ABCC12: variants seen among roughly 807,000 people sequenced by gnomAD.
ABCC12 encodes ATP binding cassette subfamily C member 12.
A neutral mutation model predicts 151.1 loss-of-function variants in ABCC12; 142 were observed. The observed-to-expected ratio is 0.94, with a 90% CI of 0.82 to 1.08. The LOEUF is 1.08. Among genes scored for constraint, ABCC12 ranks in the 50% least tolerant of loss-of-function variants. The pLI, the probability that ABCC12 is intolerant of heterozygous loss-of-function variation, is 0.00. For missense variants in ABCC12, 1,638 were observed against 1,691.1 expected (o/e 0.97, Z 0.55); for synonymous variants, 645 against 646.4 (o/e 1.00, Z 0.03).
chr16:48,150,302 C>T (rs894393161), intron 2 of ABCC12, among the ~76,000 whole-genome samples: 5 of 152,156 alleles, frequency 3.3e-5, no homozygotes, highest in African/African-American at 4.8e-5. Context: ...TGTGGCCCCT[C>T]TACAGGAATA....
At chr16:48,112,820 A>C (rs1963744746) in intron 15 of ABCC12, among the ~76,000 whole-genome samples, 1 of 152,150 alleles carries the variant, frequency 6.6e-6, no homozygotes, top group African/African-American at 2.4e-5. Context: ...TGAGGAATTT[A>C]TGCCAGCTTT....
In ABCC12 at chr16:48,143,971, G is replaced by C. The variant is rs766562841; in HGVS notation, c.214C>G (p.Leu72Val). The C allele has an allele frequency of 6.2e-7, 1 of 1,614,166 alleles. No individual in the cohort carries two copies. Among genetic ancestry groups the C allele is most frequent in the Admixed American group, 1.7e-5 (1 of 60,030 alleles). The stretch of plus-strand genomic sequence containing the variant: ...AATGGGGGCAGGGTGTCTACGGTCA[G>C]CCTTTGCCGGTAGCCTTTCACCATC... Reference protein sequence around the residue: ...PVMVKGYRQRLTVDTLPPLST... With the variant: ...PVMVKGYRQRVTVDTLPPLST... Residue 72 changes from leucine (L) to valine (V), a missense_variant, in exon 4 of 31, where the codon CTG (leucine) becomes GTG (valine). Coordinates refer to ENST00000311303, the MANE Select transcript of ABCC12 (RefSeq NM_001393797.1).
intron 8 of ABCC12, among the ~76,000 whole-genome samples, chr16:48,137,134 A>G (rs1485549358): frequency 1.3e-5 from 2 of 151,744 alleles, no homozygotes; most frequent in African/African-American, 2.4e-5. Flanking sequence ...GATGTCTTGC[A>G]TAGTCCAGGA....
At chr16:48,134,184 G>T (rs1352271803) in intron 8 of ABCC12, among the ~76,000 whole-genome samples, 1 of 152,230 alleles carries the variant, frequency 6.6e-6, no homozygotes. Flanking sequence ...CTGCAGCGCA[G>T]CAGAATGGAG....
chr16:48,130,416 C>A (rs1296061530), intron 10 of ABCC12, among the ~76,000 whole-genome samples: 1 of 152,192 alleles, frequency 6.6e-6, no homozygotes, highest in South Asian at 2.1e-4. Flanking sequence ...GGGACCCCAA[C>A]ATCCTCTTCA....
chr16:48,099,467 G>A (rs537712649), intron 23 of ABCC12, among the ~76,000 whole-genome samples: 1 of 152,274 alleles, frequency 6.6e-6, no homozygotes, highest in African/African-American at 2.4e-5. Context: ...GCACCCTTTA[G>A]AACTGCATCT....
chr16:48,152,798 C>T (rs188801743), intron 2 of ABCC12, among the ~76,000 whole-genome samples: 1 of 152,336 alleles, frequency 6.6e-6, no homozygotes, highest in African/African-American at 2.4e-5. Context: ...CCCAAAGGAG[C>T]TTTCTACAGA....
chr16:48,094,433 T>C lies in ABCC12; in HGVS notation c.3195+2313A>G, dbSNP rs376622509. 8.3e-4 allele frequency among the ~76,000 whole-genome samples: 127 copies of C among 152,222 alleles called. 2 individuals are homozygous for C. In the South Asian group the frequency reaches 0.026, roughly 31 times the overall value. ...AGAGGACGAAAGCCTTTTGATAAAA[T>C]GGAAGCAGAGCATGCTAGAGTTTAA... On this transcript the variant is annotated intron_variant, in intron 24 of 30. Coordinates refer to ENST00000311303, the MANE Select transcript of ABCC12 (RefSeq NM_001393797.1).
intron 9 of ABCC12, among the ~76,000 whole-genome samples, chr16:48,131,603 C>G (rs1297036782): frequency 6.6e-6 from 1 of 152,208 alleles, no homozygotes; most frequent in Non-Finnish European, 1.5e-5. Context: ...CAAGCCTTCT[C>G]CCTTCGGTTG....
Position 48,081,119 on chromosome 16 carries a change from T to A in ABCC12, c.*2596A>T, listed in dbSNP as rs1006367197. 6.6e-6 allele frequency among the ~76,000 whole-genome samples: 1 copy of A among 152,100 alleles called. No homozygotes were observed. Among genetic ancestry groups the A allele is most frequent in the Non-Finnish European group, 1.5e-5 (1 of 68,016 alleles). On this transcript the variant is annotated 3_prime_UTR_variant, in exon 31 of 31. Transcript: ENST00000311303. ...CTAATTAATCACCTCCTAAAGGCCC[T>A]ACCTCTATACTGTCACACTGAGGAT...
rs769749385 is a variant in ABCC12, at chr16:48,130,911, G to C, written c.1129-16C>G. 9 of 1,574,662 alleles carry C rather than the reference G, an allele frequency of 5.7e-6. No homozygotes were observed. The highest frequency in any genetic ancestry group is 4.0e-5 in the African/African-American group (3 of 74,402). On this transcript the variant is annotated splice_polypyrimidine_tract_variant and intron_variant, in intron 9 of 30. Coordinates refer to ENST00000311303, the MANE Select transcript of ABCC12 (RefSeq NM_001393797.1). ...CACTAAATGCCTGAAGAACAAAAGA[G>C]AAGTATGAGGGTTTAGAAGGAGAAG...
chr16:48,087,141 G>A (rs1962649317), intron 27 of ABCC12: 1 of 250,426 alleles, frequency 4.0e-6, no homozygotes, highest in Non-Finnish European at 7.9e-6. Context: ...AGCAGAGTGG[G>A]TTTGAACTGA....
chr16:48,099,894 A>G (rs1263899128), intron 23 of ABCC12, among the ~76,000 whole-genome samples: 1 of 151,802 alleles, frequency 6.6e-6, no homozygotes, highest in African/African-American at 2.4e-5. Flanking sequence ...ATAAAAATTT[A>G]TTGCATGATC....
chr16:48,102,669 C>T (rs1963347947), intron 22 of ABCC12, among the ~76,000 whole-genome samples: 1 of 152,162 alleles, frequency 6.6e-6, no homozygotes, highest in African/African-American at 2.4e-5. Context: ...GCTCTCCTGC[C>T]CCAGTACATT....
At chr16:48,096,642 C>A (rs1963104957) in intron 24 of ABCC12, 104 bp downstream of exon 24, 7 of 1,206,470 alleles carry the variant, frequency 5.8e-6, no homozygotes, top group South Asian at 1.4e-5. Flanking sequence ...CTCATTTAAA[C>A]CCATTCGAGT....
At chr16:48,105,014 G>A in intron 21 of ABCC12, 125 bp downstream of exon 21, 1 of 1,080,866 alleles carries the variant, frequency 9.3e-7, no homozygotes, top group Non-Finnish European at 1.4e-6. Flanking sequence ...TCCCAGACTA[G>A]ACTGCAAGCT....
chr16:48,132,361 C>G (rs1405349741), intron 9 of ABCC12, among the ~76,000 whole-genome samples: 1 of 152,128 alleles, frequency 6.6e-6, no homozygotes, highest in African/African-American at 2.4e-5. Context: ...CCAAGAAACA[C>G]AGGGCAGTAA....
intron 20 of ABCC12, among the ~76,000 whole-genome samples, chr16:48,105,796 C>T (rs1963473414): frequency 6.6e-6 from 1 of 152,218 alleles, no homozygotes; most frequent in African/African-American, 2.4e-5. Context: ...GCCACCAGGC[C>T]TTCAGGGCAA....
intron 22 of ABCC12, 71 bp downstream of exon 22, chr16:48,104,071 C>T (rs1315910009): frequency 2.7e-6 from 4 of 1,486,222 alleles, no homozygotes. Context: ...GCACTCCATG[C>T]TCAATATCAC....
Sources: allele counts gnomAD v4.1 joint callset (sites outside exome capture counted in the v4.1 genomes callset), GRCh38; gene constraint gnomAD v4.1.1; transcripts MANE v1.5; gene names NCBI Gene and HGNC (gene_info 2026-07-23, HGNC 2026-07-21).